MPP2: variants seen among roughly 807,000 people sequenced by gnomAD.
The protein encoded by MPP2 is MAGUK p55 scaffold protein 2.
MPP2 carries 42 observed loss-of-function variants against 58.5 expected under a neutral mutation model. The observed-to-expected ratio is 0.72, with a 90% CI of 0.56 to 0.93. The LOEUF is 0.93. MPP2 is among the 40% of genes least tolerant of loss of function. MPP2 has a pLI of 0.00. For missense variants in MPP2, 632 were observed against 760.4 expected (o/e 0.83, Z 1.99); for synonymous variants, 300 against 307.8 (o/e 0.97, Z 0.26).
At chr17:43,896,139 A>ACCTTCTTTCTCCCTACCCTTGCTG (rs2047836931) in intron 3 of MPP2, among the ~76,000 whole-genome samples, 1 of 151,928 alleles carries the variant, frequency 6.6e-6, no homozygotes, top group Non-Finnish European at 1.5e-5. Flanking sequence ...CCACCTGGCT[A>ACCTTCTTTCTCCCTACCCTTGCTG]TACCTTCTTT....
chr17:43,886,986 C>T (rs1056809515), intron 3 of MPP2, among the ~76,000 whole-genome samples: 6 of 150,376 alleles, frequency 4.0e-5, no homozygotes, highest in African/African-American at 1.5e-4. Context: ...TGTGATATTT[C>T]TTGTAAATGA....
At chr17:43,899,855 G>C in intron 2 of MPP2, among the ~76,000 whole-genome samples, 1 of 152,244 alleles carries the variant, frequency 6.6e-6, no homozygotes, top group Non-Finnish European at 1.5e-5. Flanking sequence ...GCAAGTTCCG[G>C]GGAAAGGAAG....
chr17:43,901,240 G>A (rs1228926183), intron 2 of MPP2: 2 of 984,748 alleles, frequency 2.0e-6, no homozygotes, highest in Non-Finnish European at 2.4e-6. Context: ...ACGTGGGGGA[G>A]GTGGCATCGC....
In MPP2 at chr17:43,882,274, A is replaced by G; in HGVS notation, c.681+10T>C. ...CATCCCTTGGGCCTTGTGCTGGGTG[A>G]GGGGCCCACCTGGCGGGGCAGATGG... is the stretch of plus-strand genomic sequence containing the variant. On this transcript the variant is annotated intron_variant, in intron 6 of 12. Coordinates refer to ENST00000269095, the MANE Select transcript of MPP2 (RefSeq NM_005374.5). 6.2e-7 allele frequency: 1 copy of G among 1,605,802 alleles called. No homozygotes were observed.
intron 5 of MPP2, 83 bp downstream of exon 5, chr17:43,882,820 C>A (rs918353734): frequency 1.3e-6 from 2 of 1,586,848 alleles, no homozygotes; most frequent in Non-Finnish European, 1.7e-6. Flanking sequence ...TCAGACCACA[C>A]TTGGCCTTTT....
Position 43,880,864 on chromosome 17 carries a change from G to A in MPP2, c.989-12C>T. On this transcript the variant is annotated splice_polypyrimidine_tract_variant and intron_variant, in intron 9 of 12. Transcript: ENST00000269095. This position sits in a 1 kb window ranked among gnomAD's most constrained non-coding sequence, Gnocchi z 5.2. ...ATGACGGTCAAACTCTGGACACAGG[G>A]AGATGGCGCTGCTCACCAGGCTGCA... 6.3e-7 allele frequency: 1 copy of A among 1,590,100 alleles called. No homozygotes were observed. Among genetic ancestry groups the A allele is most frequent in the Non-Finnish European group, 8.6e-7 (1 of 1,165,594 alleles).
intron 6 of MPP2, 113 bp downstream of exon 6, chr17:43,882,171 C>T (rs2047159272): frequency 9.5e-7 from 1 of 1,049,510 alleles, no homozygotes; most frequent in East Asian, 2.4e-5. Context: ...AGGTCCCACC[C>T]CCATCTTCCC....
At chr17:43,896,799 T>G (rs2047865994) in intron 3 of MPP2, among the ~76,000 whole-genome samples, 1 of 152,146 alleles carries the variant, frequency 6.6e-6, no homozygotes. Context: ...GCTCCATCTC[T>G]GATCCCTAAT....
chr17:43,880,480 G>A lies in MPP2; in HGVS notation c.1150+211C>T, dbSNP rs759127127. Among the ~76,000 whole-genome samples, 10 of 152,174 alleles carry A rather than the reference G, an allele frequency of 6.6e-5. No individual in the cohort carries two copies. Among genetic ancestry groups the A allele is most frequent in the African/African-American group, 1.9e-4 (8 of 41,436 alleles). On this transcript the variant is annotated intron_variant, in intron 10 of 12. Coordinates refer to ENST00000269095, the MANE Select transcript of MPP2 (RefSeq NM_005374.5). The surrounding 1 kb of genome is among the most constrained non-coding windows in gnomAD (Gnocchi z 5.2). ...AGGAAAGTGGACGCCAGCCCAGCCC[G>A]CTAGGCCACCTGTTGGCTGGACACC...
In MPP2 at chr17:43,879,379, C is replaced by T. The variant is rs762561901; in HGVS notation, c.1378G>A (p.Glu460Lys). The T allele has an allele frequency of 5.0e-6, 8 of 1,614,048 alleles. No homozygotes were observed. Among genetic ancestry groups the T allele is most frequent in the East Asian group, 4.5e-5 (2 of 44,898 alleles). ...ATGAACACCACGTAAGGGACAAACT[C>T]GGCCGTTCGTAGCACCTTCACCGCC... ...PQAVKVLRTAEFVPYVVFIEA... is the reference protein window; with the variant it reads ...PQAVKVLRTAKFVPYVVFIEA... Residue 460 changes from glutamate to lysine, a missense_variant, in exon 12 of 13, where the codon GAG becomes AAG. Glu to Lys is a moderately conservative substitution (Grantham distance 56). Transcript: ENST00000269095. This position sits in a 1 kb window ranked among gnomAD's most constrained non-coding sequence, Gnocchi z 4.1.
chr17:43,888,762 C>G (rs1319656177), intron 3 of MPP2, among the ~76,000 whole-genome samples: 7 of 152,176 alleles, frequency 4.6e-5, no homozygotes, highest in Non-Finnish European at 8.8e-5. Flanking sequence ...GACTTAATGA[C>G]ATTCCCACCA....
At chr17:43,892,891 T>G (rs968150078) in intron 3 of MPP2, among the ~76,000 whole-genome samples, 2 of 152,204 alleles carry the variant, frequency 1.3e-5, no homozygotes, top group Non-Finnish European at 2.9e-5. Flanking sequence ...GAAGACAGAC[T>G]TGGGCTTCAT....
chr17:43,889,289 C>A (rs1292502570), intron 3 of MPP2, among the ~76,000 whole-genome samples: 2 of 151,460 alleles, frequency 1.3e-5, no homozygotes, highest in Non-Finnish European at 2.9e-5. Context: ...AACTAAAAAA[C>A]AAAGCTCTTG....
intron 2 of MPP2, among the ~76,000 whole-genome samples, chr17:43,898,665 G>C (rs2047957843): frequency 6.6e-6 from 1 of 152,248 alleles, no homozygotes; most frequent in African/African-American, 2.4e-5. Flanking sequence ...CTCTGAGGTG[G>C]AGAGAAGGGA....
chr17:43,904,289 G>A, intron 2 of MPP2, 141 bp downstream of exon 2: 1 of 727,698 alleles, frequency 1.4e-6, no homozygotes, highest in Non-Finnish European at 2.4e-6. Context: ...GCAGCTGCCA[G>A]AAGGAATGGC....
intron 3 of MPP2, among the ~76,000 whole-genome samples, chr17:43,888,888 T>A (rs1567889327): frequency 6.6e-6 from 1 of 152,118 alleles, no homozygotes; most frequent in Non-Finnish European, 1.5e-5. Context: ...AAACATTTAA[T>A]CATTCAAATA....
upstream of MPP2, chr17:43,909,596 C>A: frequency 6.7e-7 from 1 of 1,486,902 alleles, no homozygotes; most frequent in East Asian, 2.6e-5. Context: ...TCAGGACAGT[C>A]TGGGATCTCA....
chr17:43,905,163 C>A (rs1440118901), intron 1 of MPP2, among the ~76,000 whole-genome samples: 1 of 147,486 alleles, frequency 6.8e-6, no homozygotes, highest in Non-Finnish European at 1.5e-5. Context: ...GGCAACAGAG[C>A]AAGAACCTGT....
intron 12 of MPP2, among the ~76,000 whole-genome samples, chr17:43,878,224 G>A (rs1411009910): frequency 1.3e-5 from 2 of 152,202 alleles, no homozygotes; most frequent in Non-Finnish European, 2.9e-5. Context: ...TAAATGCTTT[G>A]CATGCCACAT....
Sources: allele counts gnomAD v4.1 joint callset (sites outside exome capture counted in the v4.1 genomes callset), GRCh38; gene constraint gnomAD v4.1.1; non-coding constraint Gnocchi (gnomAD v3.1); transcripts MANE v1.5; gene names NCBI Gene and HGNC (gene_info 2026-07-23, HGNC 2026-07-21).